The following SLCO2B1 variants were observed in gnomAD, a reference collection of about 807,000 sequenced individuals.
The protein encoded by SLCO2B1 is solute carrier organic anion transporter family member 2B1.
Under a neutral mutation model 67.3 loss-of-function variants are expected in SLCO2B1, and 41 were observed. The observed-to-expected ratio is 0.61, with a 90% CI of 0.47 to 0.79. SLCO2B1 has a LOEUF of 0.79. SLCO2B1 is among the 30% of genes least tolerant of loss of function. The pLI, the probability that SLCO2B1 is intolerant of heterozygous loss-of-function variation, is 0.00. For synonymous variants in SLCO2B1, 379 were observed against 381.4 expected (o/e 0.99, Z 0.07); for missense variants, 837 against 920.1 (o/e 0.91, Z 1.17).
rs372375909 is a variant in SLCO2B1 at position 75,193,311 on chromosome 11, T to C, written c.1169T>C (p.Met390Thr). The change falls in exon 9 of 14, where the codon ATG becomes ACG. Residue 390 changes from methionine (M) to threonine (T), a missense_variant. Physicochemically the swap from Met to Thr is moderately conservative, Grantham distance 81. Transcript: ENST00000289575. The surrounding 1 kb of genome is among the most constrained non-coding windows in gnomAD (Gnocchi z 4.2). Reference protein sequence around the residue: ...QVCLSSMAAGMATFLPKFLER... With the variant: ...QVCLSSMAAGTATFLPKFLER... ...TGCTTGTCATCCATGGCTGCGGGCA[T>C]GGCCACCTTCCTGCCCAAGTTCCTG... is the stretch of plus-strand genomic sequence containing the variant. The C allele has an allele frequency of 1.5e-5, 24 of 1,614,000 alleles. No homozygotes were observed. Among genetic ancestry groups the C allele is most frequent in the Admixed American group, 8.3e-5 (5 of 60,004 alleles).
Position 75,188,146 on chromosome 11 carries a change from C to G in SLCO2B1, c.983C>G (p.Ser328Cys), listed in dbSNP as rs768464119. 1.6e-5 allele frequency: 26 copies of G among 1,613,082 alleles called. No individual in the cohort carries two copies. Among genetic ancestry groups the G allele is most frequent in the Non-Finnish European group, 2.1e-5 (25 of 1,179,438 alleles). ...TDSPARKGKD[S>C]PSKQSPGEST... is the part of the protein sequence containing the mutation. The stretch of plus-strand genomic sequence containing the variant: ...TTGTGTCTCCTTCAGGGCAAGGACT[C>G]TCCCTCTAAGCAGAGCCCTGGGGAG... The change falls in exon 8 of 14, where the codon TCT becomes TGT. Residue 328 changes from serine (S) to cysteine (C), a missense_variant. Coordinates refer to ENST00000289575, the MANE Select transcript of SLCO2B1 (RefSeq NM_007256.5).
chr11:75,194,752 T>C (rs1337310207), intron 9 of SLCO2B1, among the ~76,000 whole-genome samples: 1 of 152,224 alleles, frequency 6.6e-6, no homozygotes, highest in African/African-American at 2.4e-5. Flanking sequence ...AGTAAATGGA[T>C]ATTTTATCAC....
intron 12 of SLCO2B1, 67 bp downstream of exon 12, chr11:75,203,032 TGG>T: frequency 6.4e-6 from 9 of 1,407,182 alleles, no homozygotes; most frequent in Non-Finnish European, 8.1e-6. Context: ...GTGCCAGGCC[TGG>T]GGCACAGGCA....
intron 11 of SLCO2B1, chr11:75,202,673 G>A (rs544402511): frequency 1.7e-6 from 1 of 586,642 alleles, no homozygotes; most frequent in South Asian, 2.0e-5. Context: ...GTCAGCACAG[G>A]ACCCTGATGG....
rs138116866 is a variant in SLCO2B1 at position 75,164,073 on chromosome 11, G to A, written c.258G>A (p.Thr86=). 2.5e-5 allele frequency: 41 copies of A among 1,608,434 alleles called. No homozygotes were observed. Among genetic ancestry groups the A allele is most frequent in the African/African-American group, 2.5e-4 (19 of 74,768 alleles). Residue 86 remains threonine (T), a synonymous_variant, in exon 3 of 14, where the codon ACG becomes ACA. Coordinates refer to ENST00000289575, the MANE Select transcript of SLCO2B1 (RefSeq NM_007256.5). The part of the protein sequence containing the change: ...VEKRFGLSSQ[T]SGLLASFNEV... ...AGCGCTTCGGCCTCTCCAGCCAGAC[G>A]TCGGGGCTGCTGGCCTCCTTCAACG...
At chr11:75,155,906 T>C (rs1345424769) in intron 1 of SLCO2B1, among the ~76,000 whole-genome samples, 1 of 152,058 alleles carries the variant, frequency 6.6e-6, no homozygotes, top group Non-Finnish European at 1.5e-5. Context: ...CAGGGAATAA[T>C]GCTCACTAGG....
chr11:75,188,318 T>A, intron 8 of SLCO2B1, 80 bp downstream of exon 8: 3 of 908,824 alleles, frequency 3.3e-6, no homozygotes, highest in Non-Finnish European at 5.4e-6. Flanking sequence ...CCTTCCTGCT[T>A]TTCTTGATTC....
Position 75,188,637 on chromosome 11 carries a change from A to T in SLCO2B1, c.1075+399A>T, listed in dbSNP as rs186738935. Reference sequence around the variant, plus strand: ...GCTGCTTGGGAGGCTGAGGCAGAAGAATCACTTGAACCTGGGAGGCAGAGG... The same window carrying T: ...GCTGCTTGGGAGGCTGAGGCAGAAGTATCACTTGAACCTGGGAGGCAGAGG... On this transcript the variant is annotated intron_variant, in intron 8 of 13. Coordinates refer to ENST00000289575, the MANE Select transcript of SLCO2B1 (RefSeq NM_007256.5). Among the ~76,000 whole-genome samples the T allele has an allele frequency of 8.7e-4, 132 of 152,298 alleles. 3 individuals carry two copies. The highest frequency in any genetic ancestry group is 4.6e-4 in the Admixed American group (7 of 15,298).
chr11:75,152,999 C>T (rs1159799151), intron 1 of SLCO2B1, among the ~76,000 whole-genome samples: 1 of 152,170 alleles, frequency 6.6e-6, no homozygotes, highest in Admixed American at 6.5e-5. Flanking sequence ...AGCAGAGCCC[C>T]TCCACCCACT....
At chr11:75,163,700 G>A (rs545268229) in intron 2 of SLCO2B1, among the ~76,000 whole-genome samples, 93 of 152,068 alleles carry the variant, frequency 6.1e-4, no homozygotes, top group Non-Finnish European at 1.2e-3. Context: ...GAGAAGCTGT[G>A]AGTTACACCA....
chr11:75,166,126 G>A lies in SLCO2B1; in HGVS notation c.448+177G>A, dbSNP rs1344375975. On this transcript the variant is annotated intron_variant, in intron 4 of 13. Transcript: ENST00000289575. ...AGGCCCCAGCCCAGGTGGGTCTCTG[G>A]CAGACCTGGGGAGTGCGGTAGGAAG... Among the ~76,000 whole-genome samples the A allele has an allele frequency of 3.9e-5, 6 of 152,310 alleles. No homozygotes were observed. In the East Asian group the frequency reaches 1.2e-3, roughly 29 times the overall value.
intron 7 of SLCO2B1, among the ~76,000 whole-genome samples, chr11:75,178,823 A>C (rs748996486): frequency 4.6e-5 from 7 of 152,098 alleles, no homozygotes; most frequent in Non-Finnish European, 7.4e-5. Context: ...TGCTTCTATG[A>C]GTTTGGCTTT....
At chr11:75,173,127 C>T (rs1949985000) in intron 7 of SLCO2B1, among the ~76,000 whole-genome samples, 1 of 152,180 alleles carries the variant, frequency 6.6e-6, no homozygotes, top group Admixed American at 6.5e-5. Flanking sequence ...TGAGAACCCG[C>T]ACCTTTCTGA....
Position 75,204,481 on chromosome 11 carries a change from C to A in SLCO2B1, c.2031C>A (p.Asp677Glu). 6.2e-7 allele frequency: 1 copy of A among 1,613,588 alleles called. No individual in the cohort carries two copies. The highest frequency in any genetic ancestry group is 8.5e-7 in the Non-Finnish European group (1 of 1,179,742). The change falls in exon 14 of 14, where the codon GAC becomes GAA. Residue 677 changes from aspartate to glutamate, a missense_variant. Transcript: ENST00000289575. ...ALVLAVLRQQ[D>E]KEARTKESRS... ...TTTTGGCTGTCCTGAGGCAGCAGGA[C>A]AAAGAGGCAAGGACCAAAGAGAGCA...
Position 75,200,396 on chromosome 11 carries a change from G to A in SLCO2B1, c.1763+9G>A. 2 of 1,582,472 alleles carry A rather than the reference G, an allele frequency of 1.3e-6. No individual in the cohort carries two copies. Among genetic ancestry groups the A allele is most frequent in the Non-Finnish European group, 1.7e-6 (2 of 1,159,778 alleles). On this transcript the variant is annotated intron_variant, in intron 11 of 13. Transcript: ENST00000289575. ...TTCATGCTCATCCTAAGGTGAAGGT[G>A]GGGGTGGGGCAGGGGCAGGTGGATA...
intron 8 of SLCO2B1, among the ~76,000 whole-genome samples, chr11:75,190,733 C>A (rs1945009666): frequency 6.6e-6 from 1 of 152,160 alleles, no homozygotes; most frequent in East Asian, 1.9e-4. Flanking sequence ...AGCATAGTCC[C>A]TAGACTGAGG....
At chr11:75,178,860 A>G (rs1765467851) in intron 7 of SLCO2B1, among the ~76,000 whole-genome samples, 1 of 152,232 alleles carries the variant, frequency 6.6e-6, no homozygotes, top group African/African-American at 2.4e-5. Flanking sequence ...AGGTGAGAAC[A>G]TGCAGTATTT....
Position 75,193,984 on chromosome 11 carries a change from A to G in SLCO2B1, c.1433+409A>G, listed in dbSNP as rs1183871074. ...CTGCCCAGGAGGAAGCATGCTCTCC[A>G]TCCTGGGGACGAGAGGGGATGAGAG... On this transcript the variant is annotated intron_variant, in intron 9 of 13. Transcript: ENST00000289575. This position sits in a 1 kb window ranked among gnomAD's most constrained non-coding sequence, Gnocchi z 4.2. 6.6e-6 allele frequency among the ~76,000 whole-genome samples: 1 copy of G among 152,144 alleles called. No individual in the cohort carries two copies. The highest frequency in any genetic ancestry group is 1.5e-5 in the Non-Finnish European group (1 of 68,014).
chr11:75,183,511 G>C (rs999938505), intron 7 of SLCO2B1, among the ~76,000 whole-genome samples: 6 of 152,184 alleles, frequency 3.9e-5, no homozygotes, highest in Non-Finnish European at 5.9e-5. Flanking sequence ...TGACTCAGGG[G>C]GCTAGTGGAT....
Sources: gnomAD v4.1 joint callset for allele counts (sites outside exome capture counted in the v4.1 genomes callset) on GRCh38, gnomAD v4.1.1 for gene constraint, Gnocchi (gnomAD v3.1) non-coding constraint, MANE v1.5 for transcripts, NCBI Gene and HGNC (gene_info 2026-07-23, HGNC 2026-07-21) for gene names.